The following CELA1 variants were observed in gnomAD, a reference collection of about 807,000 sequenced individuals.
The protein encoded by CELA1 is chymotrypsin-like elastase family member 1.
Under a neutral mutation model 34.8 loss-of-function variants are expected in CELA1, and 28 were observed. The observed-to-expected ratio is 0.80, with a 90% CI of 0.60 to 1.10. The LOEUF is 1.10. Among genes scored for constraint, CELA1 ranks in the 50% least tolerant of loss-of-function variants. The pLI is 0.00. For missense variants in CELA1, 288 were observed against 327.5 expected (o/e 0.88, Z 0.93); for synonymous variants, 140 against 129.8 (o/e 1.08, Z -0.53).
rs141103193 is a variant in CELA1 at position 51,345,829 on chromosome 12, C to T, written c.65G>A (p.Gly22Glu). ...LPETNARVVG[G>E]TEAGRNSWPS... ...CCAGGAATTCCTCCCGGCCTCAGTCCCTCCGACTACGCGGGCATTGGTTTC... is the reference window on the plus strand; with the variant it reads ...CCAGGAATTCCTCCCGGCCTCAGTCTCTCCGACTACGCGGGCATTGGTTTC... Residue 22 changes from glycine to glutamate, a missense_variant, in exon 2 of 8, where the codon GGG (glycine) becomes GAG (glutamate). Coordinates refer to ENST00000293636, the MANE Select transcript of CELA1 (RefSeq NM_001971.6). 6.4e-7 allele frequency: 1 copy of T among 1,559,306 alleles called. No individual in the cohort carries two copies. Among genetic ancestry groups the T allele is most frequent in the South Asian group, 1.2e-5 (1 of 84,554 alleles).
At chr12:51,343,502 T>C (rs1946549733) in intron 3 of CELA1, among the ~76,000 whole-genome samples, 3 of 152,220 alleles carry the variant, frequency 2.0e-5, no homozygotes, top group South Asian at 2.1e-4. Flanking sequence ...ACTTTAGAGA[T>C]AGGAGAATGG....
chr12:51,337,923 AAT>A (rs151299974), intron 6 of CELA1, among the ~76,000 whole-genome samples: 1 of 148,596 alleles, frequency 6.7e-6, no homozygotes, highest in Non-Finnish European at 1.5e-5. Flanking sequence ...AAAAAAAACA[AAT>A]ATATATATAT....
Position 51,345,798 on chromosome 12 carries a change from A to G in CELA1, c.96T>C (p.Ser32=). The G allele has an allele frequency of 6.4e-7, 1 of 1,555,362 alleles. No homozygotes were observed. The highest frequency in any genetic ancestry group is 2.4e-5 in the East Asian group (1 of 41,406). ...GTEAGRNSWP[S]QISLQYRSGG... ...GGGGCTGGGAAGGAACACCCACCTG[A>G]GAGGGCCAGGAATTCCTCCCGGCCT... is the stretch of plus-strand genomic sequence containing the variant. Residue 32 remains serine, a synonymous_variant, in exon 2 of 8, where the codon TCT becomes TCC. Transcript: ENST00000293636.
At chr12:51,331,247 G>C (rs1946468312) in intron 6 of CELA1, among the ~76,000 whole-genome samples, 1 of 152,180 alleles carries the variant, frequency 6.6e-6, no homozygotes, top group East Asian at 1.9e-4. Context: ...AAATTAGCCG[G>C]GCGTGGTGGT....
In CELA1 at chr12:51,338,184, G is replaced by A. The variant is rs555573394; in HGVS notation, c.609+1676C>T. On this transcript the variant is annotated intron_variant, in intron 6 of 7. Transcript: ENST00000293636. ...ACCCGGGAGGCAGAGGTTTCAGTGAGCTGAGATTGCGCCACTGCACTCCAG... is the reference window on the plus strand; with the variant it reads ...ACCCGGGAGGCAGAGGTTTCAGTGAACTGAGATTGCGCCACTGCACTCCAG... Among the ~76,000 whole-genome samples the A allele has an allele frequency of 1.1e-3, 166 of 150,614 alleles. 1 individual carries two copies. Among genetic ancestry groups the A allele is most frequent in the African/African-American group, 4.0e-3 (164 of 41,048 alleles).
At chr12:51,344,091 A>G (rs1946553048) in intron 2 of CELA1, among the ~76,000 whole-genome samples, 1 of 152,202 alleles carries the variant, frequency 6.6e-6, no homozygotes, top group African/African-American at 2.4e-5. Context: ...ACCTCCTTAA[A>G]GTCCTGCTGT....
At position 51,339,891 on chromosome 12, in the gene CELA1, G is replaced by C. The variant is rs1438512819; in HGVS notation, c.578C>G (p.Ala193Gly). ...GSTVKNTMVC[A>G]GGDGVRSGCQ... ...TCCAGAGCGAACTCCATCTCCACCA[G>C]CACACACCATGGTGTTCTTCACAGT... is the stretch of plus-strand genomic sequence containing the variant. The change falls in exon 6 of 8, where the codon GCT becomes GGT. Residue 193 changes from alanine (A) to glycine (G), a missense_variant. By Grantham distance (60) the Ala-to-Gly change is moderately conservative. Coordinates refer to ENST00000293636, the MANE Select transcript of CELA1 (RefSeq NM_001971.6). 6.2e-7 allele frequency: 1 copy of C among 1,614,054 alleles called. No individual in the cohort carries two copies. The highest frequency in any genetic ancestry group is 2.2e-5 in the East Asian group (1 of 44,882).
Position 51,329,826 on chromosome 12 carries a change from G to C in CELA1, c.617C>G (p.Ser206Cys). 1 of 1,610,910 alleles carries C rather than the reference G, an allele frequency of 6.2e-7. No homozygotes were observed. The highest frequency in any genetic ancestry group is 8.5e-7 in the Non-Finnish European group (1 of 1,178,750). ...CACCAAGCAATGGAGGGGGCCCCCAGAGTCACCCTGCAGGGAGGAGAAACA... is the reference window on the plus strand; with the variant it reads ...CACCAAGCAATGGAGGGGGCCCCCACAGTCACCCTGCAGGGAGGAGAAACA... ...DGVRSGCQGD[S>C]GGPLHCLVNG... Residue 206 changes from serine to cysteine, a missense_variant, in exon 7 of 8, where the codon TCT (serine) becomes TGT (cysteine). Coordinates refer to ENST00000293636, the MANE Select transcript of CELA1 (RefSeq NM_001971.6).
At chr12:51,333,711 G>C (rs1946485060) in intron 6 of CELA1, among the ~76,000 whole-genome samples, 1 of 152,106 alleles carries the variant, frequency 6.6e-6, no homozygotes, top group African/African-American at 2.4e-5. Context: ...TTACTTTAAA[G>C]TGGAACTACC....
intron 6 of CELA1, among the ~76,000 whole-genome samples, chr12:51,335,721 C>T (rs1480831111): frequency 1.3e-5 from 2 of 151,466 alleles, no homozygotes; most frequent in Non-Finnish European, 2.9e-5. Context: ...ACTGCAGCCT[C>T]GAACTCCTTG....
At chr12:51,329,910 GGTT>G in intron 6 of CELA1, 77 bp from the exon 7 acceptor site, 1 of 1,395,308 alleles carries the variant, frequency 7.2e-7, no homozygotes, top group African/African-American at 1.4e-5. Context: ...CCCCGTCTCT[GGTT>G]GTGAAATTCT....
At chr12:51,337,726 T>C (rs1367809507) in intron 6 of CELA1, among the ~76,000 whole-genome samples, 2 of 150,652 alleles carry the variant, frequency 1.3e-5, no homozygotes, top group Non-Finnish European at 3.0e-5. Flanking sequence ...CTGGGCAACA[T>C]GGTGAAACCC....
intron 4 of CELA1, among the ~76,000 whole-genome samples, chr12:51,342,115 C>T (rs138591893): frequency 2.6e-5 from 4 of 152,312 alleles, no homozygotes; most frequent in Non-Finnish European, 5.9e-5. Flanking sequence ...TCTCAGCTCA[C>T]TGCACCCTCT....
intron 7 of CELA1, 100 bp from the exon 8 acceptor site, chr12:51,328,694 A>G: frequency 7.3e-7 from 1 of 1,374,490 alleles, no homozygotes; most frequent in Non-Finnish European, 1.0e-6. Flanking sequence ...TACTGGGTTT[A>G]TGGGAAGTTG....
chr12:51,335,319 C>T (rs986109075), intron 6 of CELA1, among the ~76,000 whole-genome samples: 3 of 152,204 alleles, frequency 2.0e-5, no homozygotes, highest in African/African-American at 4.8e-5. Flanking sequence ...TGCGGTGGTG[C>T]GATCTTGGCT....
In CELA1 at chr12:51,343,795, A is replaced by T. The variant is rs781518093; in HGVS notation, c.158T>A (p.Ile53Asn). ...SRYHTCGGTL[I>N]RQNWVMTAAH... ...AGCTGTCATCACCCAGTTCTGTCTG[A>T]TAAGGGTCCCTCCACAGGTGTGATA... The change falls in exon 3 of 8, where the codon ATC becomes AAC. Residue 53 changes from isoleucine to asparagine, a missense_variant. Coordinates refer to ENST00000293636, the MANE Select transcript of CELA1 (RefSeq NM_001971.6). 1 of 1,611,498 alleles carries T rather than the reference A, an allele frequency of 6.2e-7. No homozygotes were observed. Among genetic ancestry groups the T allele is most frequent in the Admixed American group, 1.7e-5 (1 of 59,960 alleles).
chr12:51,332,412 A>T (rs559748702), intron 6 of CELA1, among the ~76,000 whole-genome samples: 1 of 152,214 alleles, frequency 6.6e-6, no homozygotes, highest in East Asian at 1.9e-4. Context: ...TGTCAACACA[A>T]AAATAGCAGT....
At chr12:51,342,505 T>A in intron 4 of CELA1, 70 bp downstream of exon 4, 1 of 1,607,350 alleles carries the variant, frequency 6.2e-7, no homozygotes, top group South Asian at 1.1e-5. Context: ...AAAGAACAGG[T>A]GAAGGCAGCC....
intron 6 of CELA1, among the ~76,000 whole-genome samples, chr12:51,335,565 C>T (rs931357897): frequency 6.6e-6 from 1 of 151,736 alleles, no homozygotes; most frequent in African/African-American, 2.4e-5. Flanking sequence ...ATTTTCTTCT[C>T]TTAGAAGATC....
Sources: gnomAD v4.1 joint callset for allele counts (sites outside exome capture counted in the v4.1 genomes callset) on GRCh38, gnomAD v4.1.1 for gene constraint, MANE v1.5 for transcripts, NCBI Gene and HGNC (gene_info 2026-07-23, HGNC 2026-07-21) for gene names.